ZHX2: variants seen among roughly 807,000 people sequenced by gnomAD.
ZHX2 encodes zinc fingers and homeoboxes protein 2.
In ZHX2, 6 loss-of-function variants were observed where a neutral mutation model predicts 21.9. The ratio of observed to expected loss-of-function variants is 0.27; its 90% CI spans 0.15 to 0.54. ZHX2 has a LOEUF of 0.54. Among genes scored for constraint, ZHX2 ranks in the 20% least tolerant of loss-of-function variants. ZHX2 has a pLI of 0.95. For missense variants in ZHX2, 908 were observed against 1,090.7 expected (o/e 0.83, Z 2.36); for synonymous variants, 434 against 437.1 (o/e 0.99, Z 0.09).
intron 1 of ZHX2, among the ~76,000 whole-genome samples, chr8:122,848,625 T>A (rs1196729626): frequency 6.6e-6 from 1 of 152,154 alleles, no homozygotes; most frequent in Non-Finnish European, 1.5e-5. Context: ...ATAATGAAGA[T>A]TTGACCAGGC....
At chr8:122,850,459 G>A (rs746667702) in intron 1 of ZHX2, among the ~76,000 whole-genome samples, 14 of 152,114 alleles carry the variant, frequency 9.2e-5, no homozygotes, top group Non-Finnish European at 1.6e-4. Context: ...CCAACATGGC[G>A]AAACCCTGTA....
intron 1 of ZHX2, among the ~76,000 whole-genome samples, chr8:122,819,792 A>G (rs568555104): frequency 1.3e-5 from 2 of 152,344 alleles, no homozygotes; most frequent in Admixed American, 6.5e-5. Flanking sequence ...TGGCTTCCAG[A>G]AGGCAGTGAA....
At chr8:122,858,156 G>A (rs1819074269) in intron 1 of ZHX2, among the ~76,000 whole-genome samples, 1 of 152,156 alleles carries the variant, frequency 6.6e-6, no homozygotes, top group Non-Finnish European at 1.5e-5. Context: ...TTTCTGGTCT[G>A]GGCTGGCTCC....
intron 2 of ZHX2, among the ~76,000 whole-genome samples, chr8:122,907,556 G>C (rs79176063): frequency 0.013 from 2,001 of 152,082 alleles, 52 homozygotes; most frequent in Admixed American, 0.058. Context: ...GATTTGGGGG[G>C]CCCAAAATAT....
intron 2 of ZHX2, among the ~76,000 whole-genome samples, chr8:122,898,495 T>C (rs1421354364): frequency 6.6e-6 from 1 of 152,202 alleles, no homozygotes; most frequent in Non-Finnish European, 1.5e-5. Flanking sequence ...TTTGCATGCC[T>C]AAATTTCCAA....
intron 1 of ZHX2, among the ~76,000 whole-genome samples, chr8:122,817,012 G>T (rs1457403337): frequency 6.6e-6 from 1 of 152,206 alleles, no homozygotes; most frequent in Non-Finnish European, 1.5e-5. Flanking sequence ...GCAGATGGTG[G>T]ATGGAGAAAG....
rs574301760 is a variant in ZHX2 at position 122,954,845 on chromosome 8, CTT to C, written c.*4+827_*4+828del. Among the ~76,000 whole-genome samples, 132 of 146,008 alleles carry C rather than the reference CTT, an allele frequency of 9.0e-4. 1 individual carries two copies. The highest frequency in any genetic ancestry group is 1.5e-3 in the Non-Finnish European group (99 of 66,070). Reference sequence around the variant, plus strand: ...AACACCAAACATGAAGAGGTTGTTTCTTTTTTTTTTTCCCCCCTTTTCTTTTT... The same window carrying C: ...AACACCAAACATGAAGAGGTTGTTTCTTTTTTTTTCCCCCCTTTTCTTTTT... On this transcript the variant is annotated intron_variant, in intron 3 of 3. Coordinates refer to ENST00000314393, the MANE Select transcript of ZHX2 (RefSeq NM_014943.5).
intron 2 of ZHX2, among the ~76,000 whole-genome samples, chr8:122,924,216 C>T (rs1345699174): frequency 6.6e-6 from 1 of 152,186 alleles, no homozygotes; most frequent in Admixed American, 6.5e-5. Flanking sequence ...CCTCTGAAGC[C>T]TCTAGGGGAA....
intron 2 of ZHX2, among the ~76,000 whole-genome samples, chr8:122,908,260 T>G (rs972118548): frequency 2.0e-5 from 3 of 152,206 alleles, no homozygotes; most frequent in Non-Finnish European, 4.4e-5. Flanking sequence ...GAGTGCAATG[T>G]GTGATCTCAG....
At chr8:122,796,624 G>A (rs959397890) in intron 1 of ZHX2, among the ~76,000 whole-genome samples, 21 of 152,252 alleles carry the variant, frequency 1.4e-4, no homozygotes, top group African/African-American at 4.8e-4. Flanking sequence ...TTGTGGAAAC[G>A]CTGTCCTGAA....
intron 1 of ZHX2, among the ~76,000 whole-genome samples, chr8:122,829,001 A>G (rs1193583457): frequency 6.6e-6 from 1 of 152,252 alleles, no homozygotes; most frequent in Non-Finnish European, 1.5e-5. Context: ...ACTCTGAGCC[A>G]TTTATTAAAT....
At chr8:122,930,618 C>T (rs1171890923) in intron 2 of ZHX2, among the ~76,000 whole-genome samples, 3 of 151,010 alleles carry the variant, frequency 2.0e-5, no homozygotes, top group Non-Finnish European at 4.4e-5. Context: ...GTTACAGGCA[C>T]CAGCCACCAC....
At chr8:122,961,667 C>T (rs1436943959) in intron 3 of ZHX2, among the ~76,000 whole-genome samples, 1 of 151,948 alleles carries the variant, frequency 6.6e-6, no homozygotes, top group African/African-American at 2.4e-5. Context: ...GGGAAGAGCC[C>T]CTTATAAAAC....
intron 3 of ZHX2, among the ~76,000 whole-genome samples, chr8:122,961,944 TC>T (rs1813461176): frequency 6.6e-6 from 1 of 152,180 alleles, no homozygotes; most frequent in Non-Finnish European, 1.5e-5. Context: ...TTCTTGCCTT[TC>T]CAAGTTGACC....
intron 1 of ZHX2, among the ~76,000 whole-genome samples, chr8:122,796,830 CTT>C: frequency 6.6e-6 from 1 of 152,154 alleles, no homozygotes; most frequent in Non-Finnish European, 1.5e-5. Context: ...CAGTTCCAGT[CTT>C]TGAAAAAGCG....
chr8:122,967,122 A>G (rs916774725), intron 3 of ZHX2, among the ~76,000 whole-genome samples: 18 of 152,202 alleles, frequency 1.2e-4, no homozygotes, highest in African/African-American at 4.3e-4. Context: ...GTAGCTGAAT[A>G]ATGAACCTTC....
chr8:122,802,334 G>T (rs7003761), intron 1 of ZHX2, among the ~76,000 whole-genome samples: 1 of 151,990 alleles, frequency 6.6e-6, no homozygotes, highest in Non-Finnish European at 1.5e-5. Context: ...AAGTGCGGGG[G>T]TTAGAGGCGT....
At chr8:122,963,907 G>T (rs1345819476) in intron 3 of ZHX2, among the ~76,000 whole-genome samples, 2 of 150,628 alleles carry the variant, frequency 1.3e-5, no homozygotes, top group Admixed American at 6.6e-5. Flanking sequence ...TTGTTTTTTT[G>T]CACCTGTTAT....
intron 1 of ZHX2, among the ~76,000 whole-genome samples, chr8:122,840,783 T>C (rs1015216036): frequency 6.6e-6 from 1 of 152,222 alleles, no homozygotes; most frequent in African/African-American, 2.4e-5. Flanking sequence ...TGTTGTTTGC[T>C]TTATCCTTTA....
Sources: allele counts gnomAD v4.1 joint callset (sites outside exome capture counted in the v4.1 genomes callset), GRCh38; gene constraint gnomAD v4.1.1; transcripts MANE v1.5; gene names NCBI Gene and HGNC (gene_info 2026-07-23, HGNC 2026-07-21).